Variants in ZNF710 observed in about 807,000 individuals in gnomAD.
ZNF710 encodes zinc finger protein 710.
In ZNF710, 13 loss-of-function variants were observed where a neutral mutation model predicts 50.6. That is an observed-to-expected ratio of 0.26 (90% CI 0.17 to 0.41). The LOEUF is 0.41. Among genes scored for constraint, ZNF710 ranks in the 10% least tolerant of loss-of-function variants. ZNF710 has a pLI of 1.00. For synonymous variants in ZNF710, 383 were observed against 397.0 expected, an observed-to-expected ratio of 0.96 and a Z score of 0.42; for missense variants, 721 against 936.6, an observed-to-expected ratio of 0.77 and a Z score of 3.01.
At chr15:90,054,170 T>C (rs1899734571) in intron 1 of ZNF710, among the ~76,000 whole-genome samples, 1 of 151,956 alleles carries the variant, frequency 6.6e-6, no homozygotes, top group African/African-American at 2.4e-5. Flanking sequence ...ATTTGGACTG[T>C]ACACTGCGAT....
intron 1 of ZNF710, among the ~76,000 whole-genome samples, chr15:90,057,379 G>A (rs924674634): frequency 1.3e-5 from 2 of 152,074 alleles, no homozygotes; most frequent in South Asian, 2.1e-4. Flanking sequence ...CCAGGTCACC[G>A]AGAGTATGCG....
At position 90,068,447 on chromosome 15, in the gene ZNF710, G is replaced by C; in HGVS notation, c.1310G>C (p.Cys437Ser). The C allele has an allele frequency of 6.2e-7, 1 of 1,614,100 alleles. No homozygotes were observed. Among genetic ancestry groups the C allele is most frequent in the Non-Finnish European group, 8.5e-7 (1 of 1,180,046 alleles). Residue 437 changes from cysteine (C) to serine (S), a missense_variant, in exon 2 of 5, where the codon TGC becomes TCC. Cys to Ser is a moderately radical substitution (Grantham distance 112). This residue lies in a region of ZNF710 where 326 missense variants were observed against 522.0 expected (regional missense o/e 0.62). Coordinates refer to ENST00000268154, the MANE Select transcript of ZNF710 (RefSeq NM_198526.4). The surrounding 1 kb of genome is among the most constrained non-coding windows in gnomAD (Gnocchi z 5.0). ...CACCAGGGCCCCACCCTCTACCAGT[G>C]CCTCGAGTGTGACAAGTCCTTCCAC... Reference protein sequence around the residue: ...ASHQGPTLYQCLECDKSFHYR... With the variant: ...ASHQGPTLYQSLECDKSFHYR...
At chr15:90,016,808 G>C (rs1269157007) in intron 1 of ZNF710, among the ~76,000 whole-genome samples, 2 of 152,186 alleles carry the variant, frequency 1.3e-5, no homozygotes, top group African/African-American at 4.8e-5. Flanking sequence ...GGGAGTGACT[G>C]TAAAGAAACT....
At chr15:90,032,091 G>C (rs1342080195) in intron 1 of ZNF710, among the ~76,000 whole-genome samples, 1 of 152,216 alleles carries the variant, frequency 6.6e-6, no homozygotes, top group Non-Finnish European at 1.5e-5. Context: ...CTGGCTCCCA[G>C]GTTCAAGCAA....
At chr15:90,035,070 G>A (rs970803451) in intron 1 of ZNF710, among the ~76,000 whole-genome samples, 1 of 152,218 alleles carries the variant, frequency 6.6e-6, no homozygotes, top group Non-Finnish European at 1.5e-5. Context: ...CTTGAGTGAA[G>A]GACCAGGCAG....
intron 1 of ZNF710, among the ~76,000 whole-genome samples, chr15:90,049,492 T>C (rs1245966150): frequency 6.6e-6 from 1 of 152,208 alleles, no homozygotes; most frequent in Non-Finnish European, 1.5e-5. Flanking sequence ...CTTTCGCCCT[T>C]GGGTCACACA....
intron 1 of ZNF710, among the ~76,000 whole-genome samples, chr15:90,035,275 T>G (rs959157056): frequency 3.9e-5 from 6 of 152,228 alleles, no homozygotes; most frequent in African/African-American, 9.6e-5. Context: ...TTCCGGCTGC[T>G]GGGCGTCACT....
rs192621663 is a variant in ZNF710, at chr15:90,043,665, C to T, written c.-28-23445C>T. On this transcript the variant is annotated intron_variant, in intron 1 of 4. Transcript: ENST00000268154. ...TTTGCATTGTCACCGTGATTGGCAC[C>T]GCCTGTGAATGAGGGGTCACTGCTT... Among the ~76,000 whole-genome samples, 121 of 152,318 alleles carry T rather than the reference C, an allele frequency of 7.9e-4. No individual in the cohort carries two copies. The Middle Eastern group carries it at 0.014, about 17-fold the overall frequency.
intron 1 of ZNF710, among the ~76,000 whole-genome samples, chr15:90,029,342 G>A (rs546806546): frequency 2.0e-5 from 3 of 152,174 alleles, no homozygotes; most frequent in Non-Finnish European, 2.9e-5. Flanking sequence ...AACCTAAAAG[G>A]TCCCAGCAAG....
At chr15:90,023,890 T>G (rs1485278533) in intron 1 of ZNF710, among the ~76,000 whole-genome samples, 1 of 151,768 alleles carries the variant, frequency 6.6e-6, no homozygotes, top group Admixed American at 6.6e-5. Context: ...TCCCAGCTAC[T>G]CGGGAAGCTA....
intron 1 of ZNF710, among the ~76,000 whole-genome samples, chr15:90,054,219 G>A (rs1260551922): frequency 6.6e-6 from 1 of 152,132 alleles, no homozygotes; most frequent in African/African-American, 2.4e-5. Flanking sequence ...AGATGAGATG[G>A]GAAGGCAGGA....
Position 90,040,669 on chromosome 15 carries a change from G to A in ZNF710, c.-28-26441G>A, listed in dbSNP as rs564607471. Among the ~76,000 whole-genome samples, 1 of 151,776 alleles carries A rather than the reference G, an allele frequency of 6.6e-6. No individual in the cohort carries two copies. The highest frequency in any genetic ancestry group is 1.5e-5 in the Non-Finnish European group (1 of 67,962). ...TTTTTTACATCAAACAATACTGATG[G>A]GCTTCTAGTGCTAAAGCAGCAGGCC... On this transcript the variant is annotated intron_variant, in intron 1 of 4. Transcript: ENST00000268154. This position sits in a 1 kb window ranked among gnomAD's most constrained non-coding sequence, Gnocchi z 4.6.
At chr15:90,076,053 T>C (rs982475151) in intron 4 of ZNF710, 1 of 152,264 alleles carries the variant, frequency 6.6e-6, no homozygotes, top group Non-Finnish European at 1.5e-5. Context: ...TCAGTAGATC[T>C]GGGGTGGGGT....
chr15:90,073,405 C>A, intron 3 of ZNF710, 143 bp downstream of exon 3: 1 of 985,690 alleles, frequency 1.0e-6, no homozygotes, highest in Non-Finnish European at 1.5e-6. Context: ...TTAGCCTGGG[C>A]TTTGGGGGTT....
intron 1 of ZNF710, among the ~76,000 whole-genome samples, chr15:90,003,442 C>T (rs1035556356): frequency 1.3e-5 from 2 of 152,216 alleles, no homozygotes; most frequent in African/African-American, 4.8e-5. Context: ...AAGCTGCCCT[C>T]TCAGTCCTGC....
intron 1 of ZNF710, among the ~76,000 whole-genome samples, chr15:90,047,462 T>G (rs1017567145): frequency 6.6e-6 from 1 of 152,206 alleles, no homozygotes; most frequent in African/African-American, 2.4e-5. Flanking sequence ...TCTAAACCGG[T>G]GCTTCAAAAC....
chr15:90,074,410 G>A, intron 4 of ZNF710, 120 bp downstream of exon 4: 3 of 1,555,126 alleles, frequency 1.9e-6, no homozygotes, highest in Non-Finnish European at 2.6e-6. Context: ...GTTGGGGTGG[G>A]CTCAGGTCTG....
At chr15:90,025,401 C>T (rs1424134412) in intron 1 of ZNF710, 2 of 152,130 alleles carry the variant, frequency 1.3e-5, no homozygotes, top group African/African-American at 4.8e-5. Flanking sequence ...AATAGTCAAC[C>T]TTATGGTTTA....
At chr15:90,041,230 C>G (rs1899286566) in intron 1 of ZNF710, among the ~76,000 whole-genome samples, 1 of 151,890 alleles carries the variant, frequency 6.6e-6, no homozygotes, top group Non-Finnish European at 1.5e-5. Context: ...GAGATAGGGT[C>G]TCACTCTGTC....
Sources: gnomAD v4.1 joint callset for allele counts (sites outside exome capture counted in the v4.1 genomes callset) on GRCh38, gnomAD v4.1.1 for gene constraint, gnomAD v4.1.1 regional missense constraint, Gnocchi (gnomAD v3.1) non-coding constraint, MANE v1.5 for transcripts, NCBI Gene and HGNC (gene_info 2026-07-23, HGNC 2026-07-21) for gene names.